BLOC1S3: variants seen among roughly 807,000 people sequenced by gnomAD.
BLOC1S3 encodes biogenesis of lysosomal organelles complex 1 subunit 3.
A neutral mutation model predicts 9.1 loss-of-function variants in BLOC1S3; 7 were observed. The ratio of observed to expected loss-of-function variants is 0.77; its 90% CI spans 0.44 to 1.45. The LOEUF is 1.45. BLOC1S3 is among the 40% of genes most tolerant of loss of function. BLOC1S3 has a pLI of 0.01. For missense variants in BLOC1S3, 307 were observed against 315.2 expected (o/e 0.97, Z 0.20); for synonymous variants, 145 against 158.4 (o/e 0.92, Z 0.64).
chr19:45,196,362 A>G (rs930468539), intron 2 of BLOC1S3, among the ~76,000 whole-genome samples: 1 of 152,066 alleles, frequency 6.6e-6, no homozygotes, highest in East Asian at 1.9e-4. Context: ...TGGGTGACAT[A>G]GCGAGACTCT....
chr19:45,197,213 C>T lies in BLOC1S3; in HGVS notation n.181-5193C>T, dbSNP rs555457835. 4.2e-4 allele frequency among the ~76,000 whole-genome samples: 64 copies of T among 151,362 alleles called. No homozygotes were observed. In the Middle Eastern group the frequency reaches 0.021, roughly 49 times the overall value. On this transcript the variant is annotated intron_variant and non_coding_transcript_variant, in intron 2 of 3. Transcript: ENST00000591569. ...AAAAAAAGAAAAAGAAGTCCAGGTG[C>T]GGTGGCTCACACCTGTAATCCTAGC... is the stretch of plus-strand genomic sequence containing the variant.
intron 2 of BLOC1S3, among the ~76,000 whole-genome samples, chr19:45,202,120 G>A (rs1322430344): frequency 1.3e-5 from 2 of 150,598 alleles, no homozygotes; most frequent in East Asian, 2.0e-4. Context: ...GCTGAGGCAG[G>A]AGAATGGCGT....
At chr19:45,192,829 TC>T (rs1237070352) in intron 2 of BLOC1S3, among the ~76,000 whole-genome samples, 5 of 151,924 alleles carry the variant, frequency 3.3e-5, no homozygotes, top group Non-Finnish European at 2.9e-5. Flanking sequence ...GCTTATCTCC[TC>T]CAGTGTGAGG....
chr19:45,179,116 A>G lies in BLOC1S3; in HGVS notation c.-9-172A>G. ...CTGTACGCTGAAGAGCCTGGGGTCC[A>G]GTAACCCCCATCATCACCCAGTTTA... On this transcript the variant is annotated intron_variant, in intron 1 of 1. Transcript: ENST00000433642. This position sits in a 1 kb window ranked among gnomAD's most constrained non-coding sequence, Gnocchi z 4.6. The G allele has an allele frequency of 1.5e-6, 1 of 647,910 alleles. No homozygotes were observed. The allele number at this position is 647,910 out of a possible 1,614,324, so 40.1% of individuals were successfully genotyped here.
chr19:45,211,621 G>A (rs1413407514), intron 3 of BLOC1S3, among the ~76,000 whole-genome samples: 1 of 151,850 alleles, frequency 6.6e-6, no homozygotes, highest in East Asian at 1.9e-4. Context: ...AATTCCCCCA[G>A]AAAGGCACAG....
chr19:45,209,788 GGCTCACCATCTTT>G (rs1406688100), intron 3 of BLOC1S3, among the ~76,000 whole-genome samples: 12 of 151,374 alleles, frequency 7.9e-5, no homozygotes, highest in South Asian at 2.1e-4. Context: ...GCACCATCTT[GGCTCACCATCTTT>G]GCTCACCGCA....
downstream of BLOC1S3, among the ~76,000 whole-genome samples, chr19:45,185,851 C>G (rs980297668): frequency 8.6e-5 from 13 of 151,990 alleles, no homozygotes; most frequent in African/African-American, 2.4e-4. Flanking sequence ...GTGGCTCATG[C>G]CTGTAATCCC....
chr19:45,216,305 G>C, intron 3 of BLOC1S3: 7 of 1,424,642 alleles, frequency 4.9e-6, no homozygotes, highest in Non-Finnish European at 5.6e-6. Context: ...ACCAGGGGTG[G>C]TGGCTCAAGC....
chr19:45,179,360 G>T lies in BLOC1S3; in HGVS notation c.64G>T (p.Ala22Ser). ...RRPETVVPGEATETDSERSAS... is the reference protein window; with the variant it reads ...RRPETVVPGESTETDSERSAS... The stretch of plus-strand genomic sequence containing the variant: ...GCCGGAGACGGTGGTGCCGGGGGAG[G>T]CGACCGAGACGGATTCCGAGCGCTC... Residue 22 changes from alanine (A) to serine (S), a missense_variant, in exon 2 of 2, where the codon GCG becomes TCG. Physicochemically the swap from Ala to Ser is moderately conservative, Grantham distance 99. Transcript: ENST00000433642. This position sits in a 1 kb window ranked among gnomAD's most constrained non-coding sequence, Gnocchi z 4.6. 1 of 1,586,058 alleles carries T rather than the reference G, an allele frequency of 6.3e-7. No homozygotes were observed.
chr19:45,180,039 C>T lies in BLOC1S3; in HGVS notation c.*134C>T. 5.0e-6 allele frequency: 5 copies of T among 1,006,364 alleles called. No homozygotes were observed. The South Asian group carries it at 6.5e-5, about 13-fold the overall frequency. The allele number at this position is 1,006,364 out of a possible 1,614,324, so 62.3% of individuals were successfully genotyped here. On this transcript the variant is annotated 3_prime_UTR_variant, in exon 2 of 2. Transcript: ENST00000433642. ...CTTGGTGTCACCCATGGGGGCTAAT[C>T]CGGTCCCCTTGGATAATGCTTTATA...
exon 4 of BLOC1S3, chr19:45,216,718 C>G (rs1410908189): frequency 6.5e-6 from 1 of 152,708 alleles, no homozygotes; most frequent in East Asian, 1.9e-4. Flanking sequence ...CTCCAAACCT[C>G]TTCCACGTCT....
intron 3 of BLOC1S3, among the ~76,000 whole-genome samples, chr19:45,215,122 C>T (rs1050884314): frequency 1.3e-5 from 2 of 152,038 alleles, no homozygotes; most frequent in African/African-American, 2.4e-5. Flanking sequence ...GCCTGGGCGA[C>T]AAAGTGAGAC....
chr19:45,198,583 C>T (rs751280208), intron 2 of BLOC1S3, among the ~76,000 whole-genome samples: 19 of 152,130 alleles, frequency 1.2e-4, no homozygotes, highest in East Asian at 5.8e-4. Flanking sequence ...CGTGAGCCGC[C>T]GCACCCAGCC....
At chr19:45,204,842 G>A (rs1034630948) in intron 3 of BLOC1S3, among the ~76,000 whole-genome samples, 4 of 150,112 alleles carry the variant, frequency 2.7e-5, no homozygotes, top group African/African-American at 4.9e-5. Context: ...AGTGATTCTC[G>A]TGCCTCAGCC....
intron 2 of BLOC1S3, among the ~76,000 whole-genome samples, chr19:45,191,126 T>A (rs1054270573): frequency 6.0e-5 from 9 of 149,964 alleles, no homozygotes; most frequent in East Asian, 3.9e-4. Context: ...TTATTTTATT[T>A]TTTTATTTTT....
At chr19:45,212,078 G>A (rs1251224669) in intron 3 of BLOC1S3, among the ~76,000 whole-genome samples, 1 of 152,230 alleles carries the variant, frequency 6.6e-6, no homozygotes, top group African/African-American at 2.4e-5. Context: ...AAGGATGGAT[G>A]GGGAGGGTGT....
chr19:45,190,741 ATC>A (rs1295639582), intron 2 of BLOC1S3, among the ~76,000 whole-genome samples: 2 of 146,784 alleles, frequency 1.4e-5, no homozygotes, highest in South Asian at 2.2e-4. Flanking sequence ...AAGGTCACGT[ATC>A]TCTGTCTCTC....
Position 45,193,132 on chromosome 19 carries a change from CAAAAAAAAAAAAAAAAA to C in BLOC1S3, n.180+5404_180+5420del, listed in dbSNP as rs71173123. 5.1e-5 allele frequency among the ~76,000 whole-genome samples: 4 copies of C among 77,928 alleles called. No individual in the cohort carries two copies. In the Admixed American group the frequency reaches 6.8e-4, roughly 13 times the overall value. 51.1% of individuals were successfully genotyped at this position (77,928 alleles called of 152,430 possible). A position where few individuals can be genotyped will look rare whatever the true frequency, so the allele number is the denominator to read the frequency against. On this transcript the variant is annotated intron_variant and non_coding_transcript_variant, in intron 2 of 3. Coordinates refer to the BLOC1S3 transcript ENST00000591569. The stretch of plus-strand genomic sequence containing the variant: ...GGGCAACAAGAGCAAAACTCCGTCT[CAAAAAAAAAAAAAAAAA>C]AAAAAAAAAAAGAGACTATTTTTGC...
At chr19:45,202,497 G>C (rs903332453) in exon 3 of BLOC1S3, 1 of 152,986 alleles carries the variant, frequency 6.5e-6, no homozygotes, top group African/African-American at 2.4e-5. Context: ...GCCCTCTTCA[G>C]TCAGCTTGTG....
Sources: gnomAD v4.1 joint callset for allele counts (sites outside exome capture counted in the v4.1 genomes callset) on GRCh38, gnomAD v4.1.1 for gene constraint, Gnocchi (gnomAD v3.1) non-coding constraint, MANE v1.5 for transcripts, NCBI Gene and HGNC (gene_info 2026-07-23, HGNC 2026-07-21) for gene names.